Variants in ITIH5 observed in about 807,000 individuals in gnomAD.
ITIH5 encodes the protein inter-alpha-trypsin inhibitor heavy chain H5.
ITIH5 carries 65 observed loss-of-function variants against 77.5 expected under a neutral mutation model. The observed-to-expected ratio is 0.84, with a 90% CI of 0.69 to 1.03. The LOEUF (loss-of-function observed/expected upper bound fraction) is 1.03. Among genes scored for constraint, ITIH5 ranks in the 50% least tolerant of loss-of-function variants. The probability of loss-of-function intolerance (pLI) is 0.00; values close to 1 mark genes in which losing one functional copy is unlikely to be tolerated. For synonymous variants in ITIH5, 525 were observed against 494.3 expected (o/e 1.06, Z -0.82); for missense variants, 1,208 against 1,213.1 (o/e 1.00, Z 0.06).
intron 1 of ITIH5, among the ~76,000 whole-genome samples, chr10:7,657,058 T>TG: frequency 8.1e-6 from 1 of 123,392 alleles, no homozygotes; most frequent in African/African-American, 3.0e-5. Flanking sequence ...TTTTTTTTTT[T>TG]TTTTTAGACG....
chr10:7,578,602 G>A (rs377470003), intron 9 of ITIH5: 48 of 152,260 alleles, frequency 3.2e-4, no homozygotes, highest in African/African-American at 1.1e-3. Context: ...ATCCCAAACC[G>A]AGGACCTGTC....
chr10:7,662,018 A>G (rs1834284298), intron 1 of ITIH5, among the ~76,000 whole-genome samples: 1 of 152,170 alleles, frequency 6.6e-6, no homozygotes, highest in Non-Finnish European at 1.5e-5. Flanking sequence ...AATTTTTTAA[A>G]AGCAACTGCC....
intron 5 of ITIH5, chr10:7,622,213 C>T (rs964875513): frequency 3.3e-5 from 5 of 152,230 alleles, no homozygotes; most frequent in South Asian, 2.1e-4. Flanking sequence ...GGGCTCTCTT[C>T]TTTTCTAAAG....
rs199807692 is a variant in ITIH5 at position 7,565,385 on chromosome 10, T to TAC, written c.2527+643_2527+644dup. Reference sequence around the variant, plus strand: ...CATACACAGACTATGTATGTATATATACACACATATCATGCACACATACAT... The same window carrying TAC: ...CATACACAGACTATGTATGTATATATACACACACATATCATGCACACATACAT... On this transcript the variant is annotated intron_variant, in intron 13 of 13. Transcript: ENST00000397146. Among the ~76,000 whole-genome samples, 833 of 149,332 alleles carry TAC rather than the reference T, an allele frequency of 5.6e-3. 10 individuals are homozygous for TAC. Among genetic ancestry groups the TAC allele is most frequent in the African/African-American group, 0.02 (794 of 40,174 alleles).
At chr10:7,565,792 T>C (rs1832139951) in intron 13 of ITIH5, among the ~76,000 whole-genome samples, 1 of 149,124 alleles carries the variant, frequency 6.7e-6, no homozygotes, top group Non-Finnish European at 1.5e-5. Flanking sequence ...AGACTATATA[T>C]AATACATATA....
intron 7 of ITIH5, among the ~76,000 whole-genome samples, chr10:7,592,552 G>A (rs986718341): frequency 2.0e-5 from 3 of 152,102 alleles, no homozygotes; most frequent in Non-Finnish European, 4.4e-5. Context: ...GAGACAGAGA[G>A]GTTCTGTTGG....
At chr10:7,649,451 A>T (rs1834059835) in intron 2 of ITIH5, among the ~76,000 whole-genome samples, 1 of 152,108 alleles carries the variant, frequency 6.6e-6, no homozygotes, top group Admixed American at 6.5e-5. Flanking sequence ...TATGAAATCT[A>T]ATCTTTTATG....
In ITIH5 at chr10:7,565,928, T is replaced by C. The variant is rs569123162; in HGVS notation, c.2527+102A>G. ...ATATATAATGAAAACCACATTCCTA[T>C]TGAATTTCTCAATCAAACGAAAGGT... On this transcript the variant is annotated intron_variant, in intron 13 of 13. Coordinates refer to ENST00000397146, the MANE Select transcript of ITIH5 (RefSeq NM_030569.7). The C allele has an allele frequency of 1.0e-3, 1,520 of 1,473,084 alleles. 3 individuals carry two copies. The highest frequency in any genetic ancestry group is 1.2e-3 in the Non-Finnish European group (1,315 of 1,100,000). The allele number at this position is 1,473,084 out of a possible 1,614,324, so 91.3% of individuals were successfully genotyped here.
At chr10:7,576,027 G>A (rs1832406194) in intron 10 of ITIH5, among the ~76,000 whole-genome samples, 1 of 152,018 alleles carries the variant, frequency 6.6e-6, no homozygotes, top group Non-Finnish European at 1.5e-5. Context: ...TTGCTTTTTG[G>A]TTGGTTGTTT....
At chr10:7,644,300 T>C in intron 2 of ITIH5, among the ~76,000 whole-genome samples, 1 of 148,884 alleles carries the variant, frequency 6.7e-6, no homozygotes, top group Middle Eastern at 3.6e-3. Flanking sequence ...ATATATATCA[T>C]ACATATCACA....
intron 8 of ITIH5, among the ~76,000 whole-genome samples, chr10:7,581,721 C>CTTTTTTTTTTTTTTTTT (rs142992412): frequency 2.0e-5 from 2 of 101,724 alleles, no homozygotes; most frequent in African/African-American, 3.6e-5. Context: ...TCTTTTCCTT[C>CTTTTTTTTTTTTTTTTT]TTTTTTTTTT....
At chr10:7,571,984 A>G in intron 11 of ITIH5, 1 of 1,005,538 alleles carries the variant, frequency 9.9e-7, no homozygotes, top group African/African-American at 1.7e-5. Flanking sequence ...ATACCACACC[A>G]TTTCTACTCA....
At chr10:7,568,082 G>A (rs1348661190) in intron 12 of ITIH5, among the ~76,000 whole-genome samples, 1 of 152,036 alleles carries the variant, frequency 6.6e-6, no homozygotes, top group African/African-American at 2.4e-5. Flanking sequence ...CAGGCCCCAG[G>A]GTTCCGTGCT....
At chr10:7,575,045 G>A (rs565210290) in intron 10 of ITIH5, among the ~76,000 whole-genome samples, 10 of 152,138 alleles carry the variant, frequency 6.6e-5, no homozygotes, top group Non-Finnish European at 1.5e-4. Context: ...CAAAAATTGT[G>A]TACGTTTTGC....
At chr10:7,597,238 G>A (rs1564252009) in intron 7 of ITIH5, among the ~76,000 whole-genome samples, 2 of 152,158 alleles carry the variant, frequency 1.3e-5, no homozygotes, top group Non-Finnish European at 2.9e-5. Context: ...GGTGGGCAGA[G>A]GCCATGGACA....
chr10:7,611,091 T>C (rs1833234705), intron 7 of ITIH5, among the ~76,000 whole-genome samples: 1 of 152,254 alleles, frequency 6.6e-6, no homozygotes, highest in Admixed American at 6.5e-5. Context: ...TGCATACATG[T>C]GTGCCTTCTT....
chr10:7,569,591 A>G, intron 12 of ITIH5, 77 bp downstream of exon 12: 1 of 888,174 alleles, frequency 1.1e-6, no homozygotes, highest in Non-Finnish European at 1.7e-6. Context: ...ATCACTGGAC[A>G]TCCATCTGAA....
intron 5 of ITIH5, among the ~76,000 whole-genome samples, chr10:7,632,494 G>A (rs7085470): frequency 0.21 from 31,883 of 152,094 alleles, 4,495 homozygotes; most frequent in African/African-American, 0.4. Context: ...AGGAATAGAA[G>A]GGATAAACTA....
At chr10:7,637,148 T>A in intron 5 of ITIH5, 80 bp downstream of exon 5, 1 of 1,512,212 alleles carries the variant, frequency 6.6e-7, no homozygotes, top group Non-Finnish European at 8.9e-7. Context: ...GGGTGCCATC[T>A]CTTGCAGATT....
Sources: allele counts gnomAD v4.1 joint callset (sites outside exome capture counted in the v4.1 genomes callset), GRCh38; gene constraint gnomAD v4.1.1; transcripts MANE v1.5; gene names NCBI Gene and HGNC (gene_info 2026-07-23, HGNC 2026-07-21).